Variants in THSD7B observed in about 807,000 individuals in gnomAD.
THSD7B encodes the protein thrombospondin type-1 domain-containing protein 7B.
THSD7B carries 138 observed loss-of-function variants against 213.6 expected under a neutral mutation model. That is an observed-to-expected ratio of 0.65 (90% CI 0.56 to 0.74). The LOEUF (loss-of-function observed/expected upper bound fraction) is 0.74, where lower values mean the gene tolerates loss of function less well. Among genes scored for constraint, THSD7B ranks in the 30% least tolerant of loss-of-function variants. The pLI is 0.00. For synonymous variants in THSD7B, 742 were observed against 687.0 expected (o/e 1.08, Z -1.25); for missense variants, 1,931 against 1,991.5 (o/e 0.97, Z 0.58).
intron 12 of THSD7B, among the ~76,000 whole-genome samples, chr2:137,356,309 CTTCT>C (rs1685128353): frequency 6.6e-6 from 1 of 152,172 alleles, no homozygotes; most frequent in African/African-American, 2.4e-5. Context: ...GTCCCCTCCC[CTTCT>C]TTCTTTAGGA....
intron 10 of THSD7B, among the ~76,000 whole-genome samples, chr2:137,262,421 C>T (rs1325418622): frequency 6.6e-6 from 1 of 151,684 alleles, no homozygotes; most frequent in Non-Finnish European, 1.5e-5. Context: ...TATAGTCACT[C>T]CCTCTGCTAA....
chr2:137,529,601 T>A (rs201730696), intron 15 of THSD7B, among the ~76,000 whole-genome samples: 11 of 105,840 alleles, frequency 1.0e-4, no homozygotes, highest in South Asian at 7.9e-4. Context: ...AGAATCTTTT[T>A]TTTTTTTTTT....
chr2:137,044,813 C>T (rs1276545729), intron 2 of THSD7B, among the ~76,000 whole-genome samples: 2 of 152,078 alleles, frequency 1.3e-5, no homozygotes, highest in African/African-American at 2.4e-5. Flanking sequence ...AGGTGAATGG[C>T]GTAGGCATTG....
rs1008862015 is a variant in THSD7B at position 137,388,531 on chromosome 2, T to C, written c.2501-17082T>C. On this transcript the variant is annotated intron_variant, in intron 12 of 27. Coordinates refer to ENST00000409968, the MANE Select transcript of THSD7B (RefSeq NM_001316349.2). ...TATGTGTCAGAAACATTTCAAGTCA[T>C]GTCTTCCAGCTATTTTGCAATATAG... 1.2e-4 allele frequency among the ~76,000 whole-genome samples: 18 copies of C among 152,270 alleles called. No homozygotes were observed. In the South Asian group the frequency reaches 1.2e-3, roughly 11 times the overall value.
intron 12 of THSD7B, among the ~76,000 whole-genome samples, chr2:137,345,241 A>C (rs1684850062): frequency 6.6e-6 from 1 of 151,794 alleles, no homozygotes; most frequent in Non-Finnish European, 1.5e-5. Flanking sequence ...TAAACGGAAG[A>C]AACTATTCCC....
chr2:136,850,473 C>G (rs935695702), intron 1 of THSD7B, among the ~76,000 whole-genome samples: 7 of 152,036 alleles, frequency 4.6e-5, no homozygotes, highest in Admixed American at 1.3e-4. Flanking sequence ...AAACTTCCCT[C>G]AGTGATGTCA....
chr2:137,159,588 T>C (rs1679974837), intron 5 of THSD7B, among the ~76,000 whole-genome samples: 1 of 152,130 alleles, frequency 6.6e-6, no homozygotes, highest in African/African-American at 2.4e-5. Flanking sequence ...TGGGTGCAGG[T>C]GCACACCAGG....
intron 17 of THSD7B, among the ~76,000 whole-genome samples, chr2:137,611,340 A>C: frequency 6.6e-6 from 1 of 152,044 alleles, no homozygotes; most frequent in East Asian, 1.9e-4. Context: ...TATCAGTTTT[A>C]ATATTGCCGG....
chr2:137,089,819 G>A (rs931670166), intron 3 of THSD7B, among the ~76,000 whole-genome samples: 1 of 152,016 alleles, frequency 6.6e-6, no homozygotes, highest in Non-Finnish European at 1.5e-5. Context: ...GACCAGCCTG[G>A]CCAACAGGGT....
intron 2 of THSD7B, among the ~76,000 whole-genome samples, chr2:136,917,623 T>C (rs983068139): frequency 6.6e-6 from 1 of 152,210 alleles, no homozygotes; most frequent in Non-Finnish European, 1.5e-5. Context: ...TGGGACATAT[T>C]TGGTTTCATT....
At chr2:136,998,956 A>ACACACACACACC (rs1558882053) in intron 2 of THSD7B, among the ~76,000 whole-genome samples, 2 of 127,508 alleles carry the variant, frequency 1.6e-5, no homozygotes, top group African/African-American at 5.7e-5. Context: ...ACACACACAC[A>ACACACACACACC]CACCCCTGCT....
At chr2:137,451,775 T>G (rs1687656918) in intron 15 of THSD7B, among the ~76,000 whole-genome samples, 1 of 152,142 alleles carries the variant, frequency 6.6e-6, no homozygotes, top group Non-Finnish European at 1.5e-5. Flanking sequence ...GGACTGATAT[T>G]ACATTAATCA....
In THSD7B at chr2:137,100,121, G is replaced by C. The variant is rs191519233; in HGVS notation, c.1199+5000G>C. Among the ~76,000 whole-genome samples the C allele has an allele frequency of 3.8e-4, 58 of 151,684 alleles. No individual in the cohort carries two copies. The East Asian group carries it at 0.011, about 30-fold the overall frequency. ...TTTTCTAGACATCCTTTTTTCTTGA[G>C]AAAACCCTGGGTATTAGTTGATGAA... On this transcript the variant is annotated intron_variant, in intron 4 of 27. Transcript: ENST00000409968.
intron 15 of THSD7B, among the ~76,000 whole-genome samples, chr2:137,520,994 G>A (rs1191951819): frequency 6.6e-6 from 1 of 152,106 alleles, no homozygotes; most frequent in Non-Finnish European, 1.5e-5. Context: ...AAAATATAAG[G>A]CTTCCTAATT....
intron 12 of THSD7B, among the ~76,000 whole-genome samples, chr2:137,347,868 A>G (rs554085084): frequency 2.8e-4 from 43 of 151,564 alleles, no homozygotes; most frequent in Non-Finnish European, 4.9e-4. Flanking sequence ...TTAGATGTTC[A>G]TCTCTAAAGC....
intron 2 of THSD7B, among the ~76,000 whole-genome samples, chr2:136,967,982 G>A (rs928360577): frequency 2.0e-5 from 3 of 152,026 alleles, no homozygotes; most frequent in Non-Finnish European, 4.4e-5. Flanking sequence ...GCCCTCTATT[G>A]AATGAATATT....
At chr2:136,922,971 G>T (rs200681552) in intron 2 of THSD7B, among the ~76,000 whole-genome samples, 1 of 152,056 alleles carries the variant, frequency 6.6e-6, no homozygotes, top group Admixed American at 6.6e-5. Flanking sequence ...TGTGGCAAAA[G>T]GTATCATTAA....
chr2:137,038,528 G>T (rs567659478), intron 2 of THSD7B, among the ~76,000 whole-genome samples: 1 of 152,304 alleles, frequency 6.6e-6, no homozygotes, highest in South Asian at 2.1e-4. Context: ...AGACTAGACG[G>T]AACAGCTGGG....
At chr2:137,313,204 A>G (rs1683968733) in intron 12 of THSD7B, among the ~76,000 whole-genome samples, 1 of 152,210 alleles carries the variant, frequency 6.6e-6, no homozygotes, top group Admixed American at 6.5e-5. Flanking sequence ...TATTGGATGC[A>G]TATATATTTA....
Sources: gnomAD v4.1 joint callset for allele counts (sites outside exome capture counted in the v4.1 genomes callset) on GRCh38, gnomAD v4.1.1 for gene constraint, MANE v1.5 for transcripts, NCBI Gene and HGNC (gene_info 2026-07-23, HGNC 2026-07-21) for gene names.